COL4A5: variants seen among roughly 807,000 people sequenced by gnomAD.
The protein encoded by COL4A5 is collagen type IV alpha 5 chain.
COL4A5 carries 26 observed loss-of-function variants against 130.2 expected under a neutral mutation model. That is an observed-to-expected ratio of 0.20 (90% confidence interval 0.15 to 0.28). The LOEUF (loss-of-function observed/expected upper bound fraction) is 0.28. Ranked by LOEUF, COL4A5 falls within the 10% of genes least tolerant of loss-of-function variation. The pLI, the probability that COL4A5 is intolerant of heterozygous loss-of-function variation, is 1.00. For synonymous variants in COL4A5, 496 were observed against 439.6 expected, an observed-to-expected ratio of 1.13 and a Z score of -1.60; for missense variants, 1,131 against 1,344.3, an observed-to-expected ratio of 0.84 and a Z score of 2.48.
At chrX:108,685,276 C>G (rs373083321) in intron 47 of COL4A5, among the ~76,000 whole-genome samples, 5 of 111,510 alleles carry the variant, frequency 4.5e-5, no homozygotes, top group Middle Eastern at 4.6e-3. Context: ...CCTAGTTCTC[C>G]TTTTACATGT....
At chrX:108,553,678 T>C (rs1298703879) in intron 2 of COL4A5, among the ~76,000 whole-genome samples, 4 of 112,226 alleles carry the variant, frequency 3.6e-5, no homozygotes, top group African/African-American at 3.2e-5. Flanking sequence ...TTTGGCAATT[T>C]CATAAAATGT....
intron 1 of COL4A5, among the ~76,000 whole-genome samples, chrX:108,525,115 A>G (rs1252265718): frequency 9.0e-6 from 1 of 110,692 alleles, no homozygotes; most frequent in Non-Finnish European, 1.9e-5. Context: ...CTATTTTTGA[A>G]TTGTCTATTT....
At chrX:108,543,803 C>A (rs189054537) in intron 2 of COL4A5, among the ~76,000 whole-genome samples, 178 of 111,776 alleles carry the variant, frequency 1.6e-3, no homozygotes, top group African/African-American at 5.6e-3. Flanking sequence ...GTTTGTAATT[C>A]TCCTCGAAGA....
Position 108,696,413 on chromosome X carries a change from G to GAT in COL4A5, c.*49_*50dup, listed in dbSNP as rs753965990. 1,187 of 1,020,416 alleles carry GAT rather than the reference G, an allele frequency of 1.2e-3. No individual in the cohort carries two copies. Among genetic ancestry groups the GAT allele is most frequent in the Non-Finnish European group, 1.4e-3 (1,028 of 733,074 alleles). 84.1% of individuals were successfully genotyped at this position (1,020,416 alleles called of 1,213,427 possible). A position where few individuals can be genotyped will look rare whatever the true frequency, so the allele number is the denominator to read the frequency against. ...GAATTCCTTTTGTGTTTTAAAATGT[G>GAT]ATATATATATATATAAAATTCCTAG... is the stretch of plus-strand genomic sequence containing the variant. On this transcript the variant is annotated 3_prime_UTR_variant, in exon 53 of 53. Coordinates refer to ENST00000328300, the MANE Select transcript of COL4A5 (RefSeq NM_033380.3).
At chrX:108,565,235 A>C (rs1038908243) in intron 4 of COL4A5, among the ~76,000 whole-genome samples, 1 of 111,319 alleles carries the variant, frequency 9.0e-6, no homozygotes, top group African/African-American at 3.3e-5. Context: ...CTCAGGTGTC[A>C]GCTCACAGGC....
chrX:108,629,202 A>G (rs1365242788), intron 36 of COL4A5, among the ~76,000 whole-genome samples: 1 of 111,254 alleles, frequency 9.0e-6, no homozygotes, highest in Non-Finnish European at 1.9e-5. Flanking sequence ...ATGAGATTAG[A>G]TTGGTAATGG....
intron 1 of COL4A5, among the ~76,000 whole-genome samples, chrX:108,538,279 T>C (rs2065483654): frequency 1.8e-5 from 2 of 112,087 alleles, no homozygotes; most frequent in African/African-American, 6.5e-5. Context: ...TAATCTGTAG[T>C]GTAGTTAGCG....
rs999705342 is a variant in COL4A5 at position 108,483,654 on chromosome X, A to T, written c.81+43448A>T. ...GTCTACCTAGGAGTGGAATTGCTAG[A>T]TTATATGGTTGCTCTATCTTGTTTT... is the stretch of plus-strand genomic sequence containing the variant. On this transcript the variant is annotated intron_variant, in intron 1 of 52. Transcript: ENST00000328300. Among the ~76,000 whole-genome samples, 3 of 111,908 alleles carry T rather than the reference A, an allele frequency of 2.7e-5. No homozygotes were observed. The Admixed American group carries it at 2.8e-4, about 11-fold the overall frequency.
chrX:108,655,312 T>C lies in COL4A5; in HGVS notation c.3247-19T>C. On this transcript the variant is annotated intron_variant, in intron 36 of 52. Coordinates refer to ENST00000328300, the MANE Select transcript of COL4A5 (RefSeq NM_033380.3). ...GTCGTGTAGAGACTTCAGTATTATCTTTTTATTCGTGTTTTCAGGGTGAGC... is the reference window on the plus strand; with the variant it reads ...GTCGTGTAGAGACTTCAGTATTATCCTTTTATTCGTGTTTTCAGGGTGAGC... 1 of 1,207,722 alleles carries C rather than the reference T, an allele frequency of 8.3e-7. No homozygotes were observed. Among genetic ancestry groups the C allele is most frequent in the Non-Finnish European group, 1.1e-6 (1 of 893,056 alleles).
At chrX:108,447,340 A>G (rs1020831248) in intron 1 of COL4A5, among the ~76,000 whole-genome samples, 1 of 111,729 alleles carries the variant, frequency 9.0e-6, no homozygotes, top group African/African-American at 3.3e-5. Flanking sequence ...TGGTTAGTAC[A>G]TACGGAATGT....
chrX:108,582,983 A>G, intron 17 of COL4A5, 46 bp downstream of exon 17: 6 of 1,024,344 alleles, frequency 5.9e-6, no homozygotes, highest in Non-Finnish European at 8.3e-6. Context: ...TCTAGCTAAA[A>G]TAATCCTTTT....
chrX:108,624,441 A>T, intron 34 of COL4A5, 107 bp downstream of exon 34: 4 of 708,538 alleles, frequency 5.6e-6, no homozygotes, highest in Non-Finnish European at 8.8e-6. Flanking sequence ...GATCATGGTA[A>T]TAAGCTTGGG....
chrX:108,603,984 C>T (rs1203655978), intron 28 of COL4A5, among the ~76,000 whole-genome samples: 3 of 112,134 alleles, frequency 2.7e-5, no homozygotes, highest in African/African-American at 9.7e-5. Context: ...AATTCATTCA[C>T]ATCTTCATTC....
At chrX:108,556,790 A>G (rs1349954152) in intron 2 of COL4A5, among the ~76,000 whole-genome samples, 2 of 110,849 alleles carry the variant, frequency 1.8e-5, no homozygotes, top group African/African-American at 6.6e-5. Context: ...GGCTTCTATA[A>G]TTTCTACTTA....
At chrX:108,466,394 A>G (rs1015007861) in intron 1 of COL4A5, among the ~76,000 whole-genome samples, 1 of 111,671 alleles carries the variant, frequency 9.0e-6, no homozygotes, top group African/African-American at 3.3e-5. Flanking sequence ...GTTCTCCACA[A>G]TCTTATCAAC....
intron 1 of COL4A5, among the ~76,000 whole-genome samples, chrX:108,506,720 C>G (rs1441115181): frequency 9.0e-6 from 1 of 110,842 alleles, no homozygotes; most frequent in Admixed American, 9.6e-5. Flanking sequence ...CGATTTGGTT[C>G]CATAGACTGG....
rs936850754 is a variant in COL4A5 at position 108,694,356 on chromosome X, G to A, written c.4707-451G>A. 4 of 163,633 alleles carry A rather than the reference G, an allele frequency of 2.4e-5. No homozygotes were observed. In the East Asian group the frequency reaches 6.4e-4, roughly 26 times the overall value. The allele number at this position is 163,633 out of a possible 1,213,427, so 13.5% of individuals were successfully genotyped here. A position where few individuals can be genotyped will look rare whatever the true frequency, so the allele number is the denominator to read the frequency against. ...TGTTTATAAATGTCCTTTGGACCAA[G>A]AATAATGAGTAGAGATTGAGAAAGC... is the stretch of plus-strand genomic sequence containing the variant. On this transcript the variant is annotated intron_variant, in intron 50 of 52. Coordinates refer to ENST00000328300, the MANE Select transcript of COL4A5 (RefSeq NM_033380.3).
At position 108,563,871 on chromosome X, in the gene COL4A5, G is replaced by T. The variant is rs747262377; in HGVS notation, c.232-11G>T. On this transcript the variant is annotated splice_polypyrimidine_tract_variant and intron_variant, in intron 3 of 52. Coordinates refer to ENST00000328300, the MANE Select transcript of COL4A5 (RefSeq NM_033380.3). ...TGACGGACAAAAACCTAAAAATATT[G>T]CATTTTTCAGGGTGATGATGGAATT... 8.3e-7 allele frequency: 1 copy of T among 1,203,851 alleles called. No individual in the cohort carries two copies.
chrX:108,590,839 G>T (rs1319622135), intron 19 of COL4A5, among the ~76,000 whole-genome samples: 1 of 111,536 alleles, frequency 9.0e-6, no homozygotes, highest in South Asian at 3.8e-4. Flanking sequence ...TCCAAAAGTA[G>T]TAAACCTACT....
Sources: gnomAD v4.1 joint callset for allele counts (sites outside exome capture counted in the v4.1 genomes callset) on GRCh38, gnomAD v4.1.1 for gene constraint, MANE v1.5 for transcripts, NCBI Gene and HGNC (gene_info 2026-07-23, HGNC 2026-07-21) for gene names.